The following CACNG5 variants were observed in gnomAD, a reference collection of about 807,000 sequenced individuals.
The protein encoded by CACNG5 is voltage-dependent calcium channel gamma-5 subunit.
In CACNG5, 18 loss-of-function variants were observed where a neutral mutation model predicts 24.8. The ratio of observed to expected loss-of-function variants is 0.73; its 90% CI spans 0.50 to 1.08. The LOEUF (loss-of-function observed/expected upper bound fraction) is 1.08. Ranked by LOEUF, CACNG5 falls within the 50% of genes least tolerant of loss-of-function variation. CACNG5 has a pLI of 0.00. For synonymous variants in CACNG5, 157 were observed against 149.1 expected, an observed-to-expected ratio of 1.05 and a Z score of -0.39; for missense variants, 349 against 367.9, an observed-to-expected ratio of 0.95 and a Z score of 0.42.
intron 1 of CACNG5, among the ~76,000 whole-genome samples, chr17:66,838,978 T>TTTTTTTTTTTTTTTTTG: frequency 6.9e-6 from 1 of 145,768 alleles, no homozygotes; most frequent in Non-Finnish European, 1.5e-5. Context: ...TTTTTTTTTT[T>TTTTTTTTTTTTTTTTTG]TGAGACAGAG....
intron 4 of CACNG5, among the ~76,000 whole-genome samples, chr17:66,883,692 A>G (rs1190147572): frequency 6.6e-6 from 1 of 152,194 alleles, no homozygotes; most frequent in African/African-American, 2.4e-5. Flanking sequence ...CCTTGTGGTC[A>G]GGTGTGTTGG....
intron 1 of CACNG5, among the ~76,000 whole-genome samples, chr17:66,854,345 G>A (rs944297980): frequency 7.3e-5 from 11 of 150,624 alleles, no homozygotes; most frequent in South Asian, 2.1e-4. Flanking sequence ...GGAGAATGGC[G>A]TGAACCTGGG....
In CACNG5 at chr17:66,885,732, GCTGA is replaced by G. The variant is rs1191713578; in HGVS notation, c.*495_*498del. 1.3e-5 allele frequency among the ~76,000 whole-genome samples: 2 copies of G among 152,226 alleles called. No individual in the cohort carries two copies. The highest frequency in any genetic ancestry group is 2.4e-5 in the African/African-American group (1 of 41,462). ...AAGGTGACTCTGATATAGAGGTCTG[GCTGA>G]CTTAGACATGTCAAGCTGTCAGTGT... is the stretch of plus-strand genomic sequence containing the variant. On this transcript the variant is annotated 3_prime_UTR_variant, in exon 6 of 6. Transcript: ENST00000533854.
chr17:66,884,153 AAAAG>A (rs1310143565), intron 4 of CACNG5, among the ~76,000 whole-genome samples: 1 of 151,686 alleles, frequency 6.6e-6, no homozygotes, highest in East Asian at 1.9e-4. Context: ...AAAAAAAAAA[AAAAG>A]AAGAAAATAC....
intron 1 of CACNG5, among the ~76,000 whole-genome samples, chr17:66,860,907 G>A (rs150127924): frequency 1.3e-5 from 2 of 150,350 alleles, no homozygotes; most frequent in African/African-American, 4.9e-5. Context: ...TGTATTTTAT[G>A]TGTGGCCCAA....
At chr17:66,856,008 G>A (rs886649273) in intron 1 of CACNG5, among the ~76,000 whole-genome samples, 5 of 152,154 alleles carry the variant, frequency 3.3e-5, no homozygotes, top group African/African-American at 7.2e-5. Flanking sequence ...ACATTACCTT[G>A]CCACATTTTC....
At chr17:66,859,481 A>T (rs1976826908) in intron 1 of CACNG5, among the ~76,000 whole-genome samples, 1 of 152,202 alleles carries the variant, frequency 6.6e-6, no homozygotes. Flanking sequence ...AGGTATTTAT[A>T]GAAGCGCATC....
rs573118662 is a variant in CACNG5 at position 66,856,542 on chromosome 17, C to G, written c.-103-20688C>G. On this transcript the variant is annotated intron_variant, in intron 1 of 5. Coordinates refer to ENST00000533854, the MANE Select transcript of CACNG5 (RefSeq NM_145811.3). ...ACAAGGATCCCTCGTGTTGCCCCCC[C>G]GCCTTTTTTTTTTTTTTGAGACAGA... Among the ~76,000 whole-genome samples, 66 of 108,470 alleles carry G rather than the reference C, an allele frequency of 6.1e-4. No homozygotes were observed. The East Asian group carries it at 0.012, about 20-fold the overall frequency. 71.2% of individuals were successfully genotyped at this position (108,470 alleles called of 152,430 possible). A position where few individuals can be genotyped will look rare whatever the true frequency, so the allele number is the denominator to read the frequency against.
chr17:66,888,311 G>A lies in CACNG5; in HGVS notation c.*3071G>A, dbSNP rs544169561. On this transcript the variant is annotated 3_prime_UTR_variant, in exon 6 of 6. Coordinates refer to ENST00000533854, the MANE Select transcript of CACNG5 (RefSeq NM_145811.3). ...TGTAATCCCAGCACTTTGGGAGGCC[G>A]AGGCAGGCAGATCACTAGGTCAGGA... 3.0e-4 allele frequency among the ~76,000 whole-genome samples: 45 copies of A among 151,300 alleles called. No homozygotes were observed. The highest frequency in any genetic ancestry group is 3.7e-4 in the Non-Finnish European group (25 of 67,830).
At chr17:66,839,111 G>C (rs11869617) in intron 1 of CACNG5, among the ~76,000 whole-genome samples, 1 of 151,770 alleles carries the variant, frequency 6.6e-6, no homozygotes, top group Non-Finnish European at 1.5e-5. Context: ...ACAGGCATGT[G>C]TCACCACGCC....
At position 66,855,243 on chromosome 17, in the gene CACNG5, T is replaced by TTCTTTTTTCTAC. The variant is rs373236418; in HGVS notation, c.-104+19997_-104+20008dup. Among the ~76,000 whole-genome samples the TTCTTTTTTCTAC allele has an allele frequency of 9.8e-4, 150 of 152,378 alleles. 1 individual carries two copies. Among genetic ancestry groups the TTCTTTTTTCTAC allele is most frequent in the African/African-American group, 3.5e-3 (146 of 41,600 alleles). ...ATAAGCTGCAATGTTCCCGATTCTT[T>TTCTTTTTTCTAC]TCTTTTTTCTACTCTCTTAACAGGC... On this transcript the variant is annotated intron_variant, in intron 1 of 5. Coordinates refer to ENST00000533854, the MANE Select transcript of CACNG5 (RefSeq NM_145811.3).
chr17:66,881,906 A>G (rs1302547703), intron 4 of CACNG5, among the ~76,000 whole-genome samples: 3 of 152,138 alleles, frequency 2.0e-5, no homozygotes, highest in Non-Finnish European at 4.4e-5. Flanking sequence ...GCAAGGAAAA[A>G]TGTAGTGAGA....
Position 66,888,151 on chromosome 17 carries a change from G to T in CACNG5, c.*2911G>T, listed in dbSNP as rs1202301334. On this transcript the variant is annotated 3_prime_UTR_variant, in exon 6 of 6. Transcript: ENST00000533854. Reference sequence around the variant, plus strand: ...CATTAACAGAGAACAATCTGACATTGGTTCCCCCACACCTGGAACTTACTA... The same window carrying T: ...CATTAACAGAGAACAATCTGACATTTGTTCCCCCACACCTGGAACTTACTA... Among the ~76,000 whole-genome samples, 3 of 150,088 alleles carry T rather than the reference G, an allele frequency of 2.0e-5. 1 individual carries two copies. Among genetic ancestry groups the T allele is most frequent in the African/African-American group, 7.4e-5 (3 of 40,642 alleles).
intron 4 of CACNG5, among the ~76,000 whole-genome samples, chr17:66,883,045 C>G (rs1041074836): frequency 6.6e-6 from 1 of 152,148 alleles, no homozygotes; most frequent in Non-Finnish European, 1.5e-5. Flanking sequence ...CAATCTACCA[C>G]CAACCCATCA....
chr17:66,845,864 G>A (rs1484285055), intron 1 of CACNG5, among the ~76,000 whole-genome samples: 1 of 152,124 alleles, frequency 6.6e-6, no homozygotes, highest in East Asian at 1.9e-4. Context: ...TACCATCCCT[G>A]GGGTCTTGTC....
Position 66,840,818 on chromosome 17 carries a change from G to C in CACNG5, c.-104+5568G>C, listed in dbSNP as rs548520940. On this transcript the variant is annotated intron_variant, in intron 1 of 5. Coordinates refer to ENST00000533854, the MANE Select transcript of CACNG5 (RefSeq NM_145811.3). The stretch of plus-strand genomic sequence containing the variant: ...TCCTGGGACTGTCGGGCACACCGGT[G>C]TGTTGCTGTGTGCTCCAGATGTGTG... 8.5e-5 allele frequency among the ~76,000 whole-genome samples: 13 copies of C among 152,310 alleles called. No individual in the cohort carries two copies. The South Asian group carries it at 2.1e-3, about 24-fold the overall frequency.
chr17:66,846,153 A>T (rs1976635884), intron 1 of CACNG5, among the ~76,000 whole-genome samples: 1 of 152,192 alleles, frequency 6.6e-6, no homozygotes, highest in Admixed American at 6.5e-5. Flanking sequence ...GCTTATATGC[A>T]TACACTTTGG....
rs1275256903 is a variant in CACNG5 at position 66,886,962 on chromosome 17, C to G, written c.*1722C>G. ...CCCTCAGTGTGTCCACATTCCCTCTCCTGGTGTCCAAGGACACCAGTCAGA... is the reference window on the plus strand; with the variant it reads ...CCCTCAGTGTGTCCACATTCCCTCTGCTGGTGTCCAAGGACACCAGTCAGA... On this transcript the variant is annotated 3_prime_UTR_variant, in exon 6 of 6. Transcript: ENST00000533854. Among the ~76,000 whole-genome samples the G allele has an allele frequency of 1.3e-5, 2 of 152,166 alleles. No homozygotes were observed. The highest frequency in any genetic ancestry group is 2.9e-5 in the Non-Finnish European group (2 of 68,038).
chr17:66,891,135 C>G lies in CACNG5; in HGVS notation c.*5895C>G, dbSNP rs1055524702. The stretch of plus-strand genomic sequence containing the variant: ...GCTTCAGAGGGAAGAGAAGGGTGGT[C>G]TTTTTCTCTATGTTTTTCTAAGGAA... On this transcript the variant is annotated 3_prime_UTR_variant, in exon 6 of 6. Coordinates refer to ENST00000533854, the MANE Select transcript of CACNG5 (RefSeq NM_145811.3). 2.6e-5 allele frequency among the ~76,000 whole-genome samples: 4 copies of G among 152,220 alleles called. No homozygotes were observed. Among genetic ancestry groups the G allele is most frequent in the African/African-American group, 9.6e-5 (4 of 41,536 alleles).
Sources: allele counts gnomAD v4.1 joint callset (sites outside exome capture counted in the v4.1 genomes callset), GRCh38; gene constraint gnomAD v4.1.1; transcripts MANE v1.5; gene names NCBI Gene and HGNC (gene_info 2026-07-23, HGNC 2026-07-21).